Variants in CKAP2L observed in about 807,000 individuals in gnomAD.
The protein encoded by CKAP2L is cytoskeleton associated protein 2L, also known as cytoskeleton-associated protein 2-like.
A neutral mutation model predicts 65.7 loss-of-function variants in CKAP2L; 42 were observed. The observed-to-expected ratio is 0.64, with a 90% confidence interval of 0.50 to 0.83. The LOEUF is 0.83. Among genes scored for constraint, CKAP2L ranks in the 40% least tolerant of loss-of-function variants. The pLI is 0.00. For missense variants in CKAP2L, 908 were observed against 871.0 expected (o/e 1.04, Z -0.53); for synonymous variants, 325 against 313.5 (o/e 1.04, Z -0.39).
chr2:112,741,768 C>T (rs1180989951), intron 7 of CKAP2L, among the ~76,000 whole-genome samples: 3 of 150,802 alleles, frequency 2.0e-5, no homozygotes, highest in Non-Finnish European at 4.4e-5. Context: ...TAAATCTACT[C>T]TTTTTTTTTG....
At position 112,737,383 on chromosome 2, in the gene CKAP2L, A is replaced by G. The variant is rs1679357857; in HGVS notation, c.*1440T>C. The G allele has an allele frequency of 1.3e-5, 2 of 152,192 alleles. No homozygotes were observed. The highest frequency in any genetic ancestry group is 2.9e-5 in the Non-Finnish European group (2 of 68,038). The allele number at this position is 152,192 out of a possible 1,614,324, so 9.4% of individuals were successfully genotyped here. On this transcript the variant is annotated 3_prime_UTR_variant, in exon 9 of 9. Coordinates refer to ENST00000302450, the MANE Select transcript of CKAP2L (RefSeq NM_152515.5). ...GTTCTCTTTTCTCCACAATCTCATC[A>G]ACATTTATCTCATGTCTTGTTAATA...
chr2:112,748,154 T>C (rs1680259970), intron 5 of CKAP2L, among the ~76,000 whole-genome samples: 1 of 152,150 alleles, frequency 6.6e-6, no homozygotes, highest in African/African-American at 2.4e-5. Context: ...AGAAGAAGAA[T>C]TTCAAGAAAT....
chr2:112,760,256 T>C (rs879673578), intron 3 of CKAP2L, among the ~76,000 whole-genome samples: 5 of 152,212 alleles, frequency 3.3e-5, no homozygotes, highest in Non-Finnish European at 7.4e-5. Context: ...TAATGACTAC[T>C]GAGCTATTTA....
intron 1 of CKAP2L, chr2:112,763,773 G>A (rs1680805140): frequency 6.6e-6 from 1 of 152,224 alleles, no homozygotes; most frequent in Non-Finnish European, 1.5e-5. Flanking sequence ...GAGACAGCTT[G>A]GCGGGCAATG....
At chr2:112,747,388 A>G (rs903765267) in intron 5 of CKAP2L, among the ~76,000 whole-genome samples, 12 of 152,376 alleles carry the variant, frequency 7.9e-5, no homozygotes, top group African/African-American at 2.9e-4. Context: ...TTACATATTC[A>G]TAATATTCCA....
intron 2 of CKAP2L, 52 bp from the exon 3 acceptor site, chr2:112,760,816 A>G: frequency 7.5e-6 from 7 of 929,328 alleles, no homozygotes; most frequent in Non-Finnish European, 1.2e-5. Flanking sequence ...TTCTAAGCTA[A>G]GCTTGGGAAG....
At chr2:112,749,566 G>A (rs1341921076) in intron 5 of CKAP2L, among the ~76,000 whole-genome samples, 1 of 151,762 alleles carries the variant, frequency 6.6e-6, no homozygotes, top group Non-Finnish European at 1.5e-5. Context: ...GTACACATAG[G>A]CCACATTCAC....
intron 7 of CKAP2L, chr2:112,742,352 T>A (rs555508962): frequency 4.2e-6 from 3 of 716,756 alleles, no homozygotes; most frequent in Non-Finnish European, 5.2e-6. Context: ...TAGATGAGTA[T>A]GTTGGTGGGT....
chr2:112,742,830 G>C, intron 6 of CKAP2L, 61 bp from the exon 7 acceptor site: 2 of 1,214,886 alleles, frequency 1.6e-6, no homozygotes, highest in Middle Eastern at 2.1e-4. Context: ...AATTTGCTAA[G>C]GAACTTTAAC....
At chr2:112,741,078 G>A in intron 7 of CKAP2L, 71 bp from the exon 8 acceptor site, 1 of 962,626 alleles carries the variant, frequency 1.0e-6, no homozygotes, top group Admixed American at 1.9e-5. Flanking sequence ...TCAATAACAT[G>A]AAAAATACAT....
In CKAP2L at chr2:112,738,814, A is replaced by G; in HGVS notation, c.*9T>C. On this transcript the variant is annotated 3_prime_UTR_variant, in exon 9 of 9. Transcript: ENST00000302450. ...CTGAAACACCTTTTTTAAAAAAAGC[A>G]TCAAGAAATTATGATTCAGGGGTTT... 6.4e-7 allele frequency: 1 copy of G among 1,558,030 alleles called. No homozygotes were observed. Among genetic ancestry groups the G allele is most frequent in the Non-Finnish European group, 8.9e-7 (1 of 1,129,886 alleles).
chr2:112,763,974 T>TG (rs773134876), intron 1 of CKAP2L: 1 of 153,212 alleles, frequency 6.5e-6, no homozygotes, highest in Non-Finnish European at 1.5e-5. Context: ...GTGCGTATCT[T>TG]GGAGAAAGTG....
chr2:112,739,122 T>C, intron 8 of CKAP2L, 74 bp from the exon 9 acceptor site: 1 of 1,169,586 alleles, frequency 8.6e-7, no homozygotes, highest in Non-Finnish European at 1.2e-6. Context: ...TTGTTTCTTA[T>C]TCAATAATAA....
At chr2:112,752,730 G>A (rs1680412533) in intron 4 of CKAP2L, among the ~76,000 whole-genome samples, 2 of 152,128 alleles carry the variant, frequency 1.3e-5, no homozygotes, top group Non-Finnish European at 1.5e-5. Flanking sequence ...TCGTGATTAT[G>A]CATTATTTTT....
At chr2:112,753,238 A>G (rs1420798627) in intron 4 of CKAP2L, among the ~76,000 whole-genome samples, 1 of 152,178 alleles carries the variant, frequency 6.6e-6, no homozygotes, top group Non-Finnish European at 1.5e-5. Context: ...CGCCTAGTTG[A>G]TATCTTTTGA....
At chr2:112,746,684 A>G (rs1213809162) in intron 5 of CKAP2L, 109 bp from the exon 6 acceptor site, 1 of 758,344 alleles carries the variant, frequency 1.3e-6, no homozygotes, top group Non-Finnish European at 2.0e-6. Flanking sequence ...GATCACTAAT[A>G]TTTTTGAACT....
chr2:112,743,297 C>G (rs909901641), intron 6 of CKAP2L, among the ~76,000 whole-genome samples: 3 of 152,014 alleles, frequency 2.0e-5, no homozygotes, highest in Non-Finnish European at 4.4e-5. Flanking sequence ...CGCCCACCAC[C>G]ACGCCCAGCT....
Position 112,756,798 on chromosome 2 carries a change from G to A in CKAP2L, c.573C>T (p.Ile191=). 5 of 1,603,906 alleles carry A rather than the reference G, an allele frequency of 3.1e-6. No individual in the cohort carries two copies. The highest frequency in any genetic ancestry group is 4.2e-6 in the Non-Finnish European group (5 of 1,177,188). Residue 191 remains isoleucine, a synonymous_variant, in exon 4 of 9, where the codon ATC becomes ATT. Coordinates refer to ENST00000302450, the MANE Select transcript of CKAP2L (RefSeq NM_152515.5). The part of the protein sequence containing the change: ...KETNKENLLD[I]LTEPERKPDP... ...CTGGCTTCCTCTCAGGTTCTGTTAA[G>A]ATATCGAGCAAGTTCTCTTTGTTTG...
At chr2:112,761,659 A>G (rs1390589567) in intron 2 of CKAP2L, among the ~76,000 whole-genome samples, 2 of 152,142 alleles carry the variant, frequency 1.3e-5, no homozygotes, top group African/African-American at 4.8e-5. Flanking sequence ...TGCATGGACC[A>G]AAAACAATTG....
Sources: allele counts gnomAD v4.1 joint callset (sites outside exome capture counted in the v4.1 genomes callset), GRCh38; gene constraint gnomAD v4.1.1; transcripts MANE v1.5; gene names NCBI Gene and HGNC (gene_info 2026-07-23, HGNC 2026-07-21).